Variants in ELMO1 observed in about 807,000 individuals in gnomAD.
The protein encoded by ELMO1 is engulfment and cell motility 1.
In ELMO1, 26 loss-of-function variants were observed where a neutral mutation model predicts 98.9. That is an observed-to-expected ratio of 0.26 (90% CI 0.19 to 0.36). ELMO1 has a LOEUF of 0.36. ELMO1 is among the 10% of genes least tolerant of loss of function. The probability of loss-of-function intolerance (pLI) is 1.00; values close to 1 mark genes in which losing one functional copy is unlikely to be tolerated. For synonymous variants in ELMO1, 346 were observed against 346.0 expected (o/e 1.00, Z 0.00); for missense variants, 627 against 935.2 (o/e 0.67, Z 4.30).
intron 5 of ELMO1, among the ~76,000 whole-genome samples, chr7:37,264,781 G>T (rs557804392): frequency 6.6e-6 from 1 of 152,184 alleles, no homozygotes; most frequent in Admixed American, 6.5e-5. Flanking sequence ...GATTAGCCGT[G>T]GGCACAGGAA....
intron 16 of ELMO1, among the ~76,000 whole-genome samples, chr7:36,966,637 T>C (rs1455480484): frequency 6.6e-6 from 1 of 152,232 alleles, no homozygotes; most frequent in African/African-American, 2.4e-5. Flanking sequence ...AACTGTCTTC[T>C]TTTTCCTCCA....
intron 16 of ELMO1, among the ~76,000 whole-genome samples, chr7:36,966,897 C>T (rs1020500887): frequency 6.6e-6 from 1 of 152,218 alleles, no homozygotes; most frequent in African/African-American, 2.4e-5. Flanking sequence ...GCAGGCTGCT[C>T]CAAAGAGGCT....
chr7:37,314,027 C>T lies in ELMO1; in HGVS notation c.192+823G>A, dbSNP rs73112627. 4.5e-3 allele frequency among the ~76,000 whole-genome samples: 682 copies of T among 152,256 alleles called. 6 individuals carry two copies. The highest frequency in any genetic ancestry group is 0.012 in the African/African-American group (489 of 41,544). ...CAGTGAGCTCAACCTAAAGTTGTGT[C>T]GGATGCGAAACTATTGTGGAAATTC... On this transcript the variant is annotated intron_variant, in intron 4 of 21. Coordinates refer to ENST00000310758, the MANE Select transcript of ELMO1 (RefSeq NM_014800.11).
At chr7:36,962,348 G>A (rs187905533) in intron 16 of ELMO1, among the ~76,000 whole-genome samples, 11 of 152,238 alleles carry the variant, frequency 7.2e-5, no homozygotes, top group South Asian at 4.1e-4. Flanking sequence ...AATTTGGACC[G>A]ATTAAAAACT....
At chr7:37,204,035 C>T in intron 13 of ELMO1, 1 of 450,484 alleles carries the variant, frequency 2.2e-6, no homozygotes. Flanking sequence ...CCAACAGGTG[C>T]CCAGTATTTA....
intron 19 of ELMO1, among the ~76,000 whole-genome samples, chr7:36,876,285 T>A (rs1468222410): frequency 6.6e-6 from 1 of 152,170 alleles, no homozygotes. Flanking sequence ...CAGAAGGGAC[T>A]GTCTTTTATC....
rs115594389 is a variant in ELMO1 at position 36,943,928 on chromosome 7, C to T, written c.1438-48911G>A. On this transcript the variant is annotated intron_variant, in intron 16 of 21. Coordinates refer to ENST00000310758, the MANE Select transcript of ELMO1 (RefSeq NM_014800.11). The stretch of plus-strand genomic sequence containing the variant: ...TCTGCACAATCCTTTAGGAAAATCA[C>T]AACAATAGGGCTGGTTTCACATTTA... Among the ~76,000 whole-genome samples, 331 of 152,180 alleles carry T rather than the reference C, an allele frequency of 2.2e-3. 2 individuals carry two copies. Among genetic ancestry groups the T allele is most frequent in the African/African-American group, 7.7e-3 (318 of 41,502 alleles).
chr7:37,079,009 G>C lies in ELMO1; in HGVS notation c.1300+17610C>G, dbSNP rs183523791. On this transcript the variant is annotated intron_variant, in intron 15 of 21. Coordinates refer to ENST00000310758, the MANE Select transcript of ELMO1 (RefSeq NM_014800.11). ...ACATGTTTAAATTTTTTAGCATTGAGCATATATTACCTGTGAATTTAAAAA... is the reference window on the plus strand; with the variant it reads ...ACATGTTTAAATTTTTTAGCATTGACCATATATTACCTGTGAATTTAAAAA... Among the ~76,000 whole-genome samples the C allele has an allele frequency of 6.2e-3, 946 of 152,172 alleles. 4 individuals carry two copies. Among genetic ancestry groups the C allele is most frequent in the Middle Eastern group, 0.017 (5 of 292 alleles).
At chr7:37,272,381 T>A (rs991561616) in intron 4 of ELMO1, among the ~76,000 whole-genome samples, 2 of 152,112 alleles carry the variant, frequency 1.3e-5, no homozygotes, top group African/African-American at 4.8e-5. Context: ...AAAAAAGGAA[T>A]GAAGGGCCAG....
intron 1 of ELMO1, among the ~76,000 whole-genome samples, chr7:37,408,318 C>T (rs1247227763): frequency 2.6e-5 from 4 of 152,166 alleles, no homozygotes; most frequent in African/African-American, 7.2e-5. Context: ...CCTGATTGTG[C>T]ATCACTGTCT....
intron 13 of ELMO1, among the ~76,000 whole-genome samples, chr7:37,163,225 T>C (rs1236504451): frequency 1.3e-5 from 2 of 152,180 alleles, no homozygotes; most frequent in Non-Finnish European, 2.9e-5. Flanking sequence ...GTAAAACAAA[T>C]GTTTGAGTTA....
chr7:37,205,215 T>TA (rs1792547570), intron 13 of ELMO1, among the ~76,000 whole-genome samples: 1 of 152,246 alleles, frequency 6.6e-6, no homozygotes, highest in Non-Finnish European at 1.5e-5. Flanking sequence ...TAGTAGACTC[T>TA]TCTTATTTGC....
At chr7:36,881,927 A>C (rs1445124914) in intron 18 of ELMO1, among the ~76,000 whole-genome samples, 1 of 152,188 alleles carries the variant, frequency 6.6e-6, no homozygotes, top group Non-Finnish European at 1.5e-5. Context: ...TAGTTCTATC[A>C]GACAGTGTAG....
At chr7:36,924,457 C>T (rs1253483792) in intron 16 of ELMO1, among the ~76,000 whole-genome samples, 1 of 152,078 alleles carries the variant, frequency 6.6e-6, no homozygotes, top group East Asian at 1.9e-4. Flanking sequence ...AAAACCAATG[C>T]TGTACAAAAA....
At chr7:37,286,903 T>C (rs909668793) in intron 4 of ELMO1, among the ~76,000 whole-genome samples, 1 of 152,048 alleles carries the variant, frequency 6.6e-6, no homozygotes, top group African/African-American at 2.4e-5. Context: ...ATTTTAAAAA[T>C]TGTATCATAG....
At chr7:37,057,673 A>G (rs1334361615) in intron 15 of ELMO1, among the ~76,000 whole-genome samples, 1 of 152,202 alleles carries the variant, frequency 6.6e-6, no homozygotes, top group Non-Finnish European at 1.5e-5. Context: ...GTCCTTTTCA[A>G]CGCAGATGTG....
chr7:37,365,186 C>G (rs1801855026), intron 1 of ELMO1, among the ~76,000 whole-genome samples: 2 of 152,144 alleles, frequency 1.3e-5, no homozygotes, highest in South Asian at 4.1e-4. Context: ...TGATGTGGTC[C>G]TAAATTCTTG....
intron 16 of ELMO1, among the ~76,000 whole-genome samples, chr7:36,999,109 A>G (rs1488675533): frequency 6.6e-6 from 1 of 152,166 alleles, no homozygotes; most frequent in South Asian, 2.1e-4. Context: ...GGGCCACAGC[A>G]TTGTCTAGGA....
chr7:37,050,815 GTT>G (rs35164150), intron 15 of ELMO1, among the ~76,000 whole-genome samples: 37 of 144,162 alleles, frequency 2.6e-4, no homozygotes, highest in African/African-American at 8.1e-4. Context: ...AAGTTCAAAG[GTT>G]TTTTTTTTTT....
Sources: allele counts gnomAD v4.1 joint callset (sites outside exome capture counted in the v4.1 genomes callset), GRCh38; gene constraint gnomAD v4.1.1; transcripts MANE v1.5; gene names NCBI Gene and HGNC (gene_info 2026-07-23, HGNC 2026-07-21).